The following PTPRD variants were observed in gnomAD, a reference collection of about 807,000 sequenced individuals.
PTPRD encodes the protein protein tyrosine phosphatase receptor type D, also known as receptor-type tyrosine-protein phosphatase delta.
Under a neutral mutation model 214.5 loss-of-function variants are expected in PTPRD, and 34 were observed. The observed-to-expected ratio is 0.16, with a 90% CI of 0.12 to 0.21. PTPRD has a LOEUF of 0.21. Ranked by LOEUF, PTPRD falls within the 10% of genes least tolerant of loss-of-function variation. The pLI is 1.00. For missense variants in PTPRD, 2,545 were observed against 2,398.7 expected (o/e 1.06, Z -1.27); for synonymous variants, 1,128 against 845.7 (o/e 1.33, Z -5.79).
At chr9:9,920,796 C>T (rs1313446861) in intron 5 of PTPRD, among the ~76,000 whole-genome samples, 1 of 152,068 alleles carries the variant, frequency 6.6e-6, no homozygotes, top group East Asian at 1.9e-4. Context: ...TAGATGCCAG[C>T]ATTATTTAAA....
At chr9:9,955,956 A>G (rs1394192441) in intron 4 of PTPRD, among the ~76,000 whole-genome samples, 1 of 152,184 alleles carries the variant, frequency 6.6e-6, no homozygotes, top group African/African-American at 2.4e-5. Context: ...TTTTTAAATT[A>G]TAACAGGAGT....
chr9:9,886,032 A>G (rs898628901), intron 5 of PTPRD, among the ~76,000 whole-genome samples: 1 of 152,076 alleles, frequency 6.6e-6, no homozygotes, highest in African/African-American at 2.4e-5. Flanking sequence ...AAACAGTGCC[A>G]AATGAAAAGA....
At chr9:10,119,627 A>T (rs1322745009) in intron 3 of PTPRD, among the ~76,000 whole-genome samples, 1 of 152,024 alleles carries the variant, frequency 6.6e-6, no homozygotes, top group Non-Finnish European at 1.5e-5. Context: ...AAGATATTGG[A>T]TGATAAAGCT....
chr9:8,436,873 A>G (rs2095371395), intron 34 of PTPRD, among the ~76,000 whole-genome samples, 184 bp from the exon 35 acceptor site: 1 of 152,222 alleles, frequency 6.6e-6, no homozygotes, highest in African/African-American at 2.4e-5. Flanking sequence ...TGGGAAGATG[A>G]ATTTTGTAGC....
chr9:8,911,415 T>TTGTG (rs757801073), intron 11 of PTPRD, among the ~76,000 whole-genome samples: 1,512 of 127,704 alleles, frequency 0.012, 34 homozygotes, highest in African/African-American at 0.039. Context: ...TGTGTGTGTG[T>TTGTG]TGTGTGTGTG....
At chr9:10,123,535 T>C (rs1194426210) in intron 3 of PTPRD, among the ~76,000 whole-genome samples, 1 of 152,156 alleles carries the variant, frequency 6.6e-6, no homozygotes, top group African/African-American at 2.4e-5. Flanking sequence ...CTCTATGATC[T>C]CCAGCCCTGT....
chr9:10,572,679 T>C (rs1203951619), intron 2 of PTPRD, among the ~76,000 whole-genome samples: 1 of 152,092 alleles, frequency 6.6e-6, no homozygotes, highest in Non-Finnish European at 1.5e-5. Context: ...AATCTTAGGA[T>C]TAATTTACAT....
chr9:10,393,816 TA>T (rs1291423810), intron 2 of PTPRD, among the ~76,000 whole-genome samples: 1 of 148,420 alleles, frequency 6.7e-6, no homozygotes, highest in East Asian at 2.0e-4. Flanking sequence ...ACTTGCAGAA[TA>T]AAGTTTTATA....
intron 5 of PTPRD, among the ~76,000 whole-genome samples, chr9:9,935,384 G>C (rs938478630): frequency 3.9e-5 from 6 of 152,086 alleles, no homozygotes; most frequent in Non-Finnish European, 8.8e-5. Context: ...GCAGTCTCAG[G>C]ATACAAAATC....
chr9:10,157,740 T>C (rs1223936138), intron 3 of PTPRD, among the ~76,000 whole-genome samples: 2 of 152,178 alleles, frequency 1.3e-5, no homozygotes, highest in Non-Finnish European at 2.9e-5. Flanking sequence ...TCAAGTTGGT[T>C]CCATTCCATT....
At chr9:9,702,359 A>C (rs993145808) in intron 7 of PTPRD, among the ~76,000 whole-genome samples, 4 of 152,196 alleles carry the variant, frequency 2.6e-5, no homozygotes, top group African/African-American at 9.7e-5. Flanking sequence ...GTGAGATCAC[A>C]ACAGTATAAT....
chr9:8,709,917 G>A (rs982706812), intron 12 of PTPRD, among the ~76,000 whole-genome samples: 13 of 152,140 alleles, frequency 8.5e-5, no homozygotes, highest in African/African-American at 2.4e-4. Context: ...TTAAGCATGT[G>A]ATCTCTGAAG....
chr9:9,598,245 A>T (rs73641328), intron 7 of PTPRD, among the ~76,000 whole-genome samples: 2,705 of 152,184 alleles, frequency 0.018, 74 homozygotes, highest in African/African-American at 0.062. Context: ...ACAGTCCCAC[A>T]TCAGGGCTGA....
chr9:8,419,038 G>A (rs772715106), intron 35 of PTPRD, among the ~76,000 whole-genome samples: 3 of 151,914 alleles, frequency 2.0e-5, no homozygotes, highest in Middle Eastern at 3.4e-3. Context: ...CAGCAACATA[G>A]TGAGACATCG....
At chr9:8,419,189 G>A (rs965725968) in intron 35 of PTPRD, among the ~76,000 whole-genome samples, 29 of 147,514 alleles carry the variant, frequency 2.0e-4, no homozygotes, top group Non-Finnish European at 8.9e-5. Context: ...TCATCTCACT[G>A]CACTCCAGTC....
intron 11 of PTPRD, among the ~76,000 whole-genome samples, chr9:8,910,157 G>A (rs2098737393): frequency 6.6e-6 from 1 of 152,008 alleles, no homozygotes; most frequent in Non-Finnish European, 1.5e-5. Flanking sequence ...TCCTGCCCCA[G>A]CCTCCCGAGT....
chr9:10,024,178 T>C (rs1287390906), intron 4 of PTPRD, among the ~76,000 whole-genome samples: 2 of 152,164 alleles, frequency 1.3e-5, no homozygotes, highest in Non-Finnish European at 2.9e-5. Context: ...TTAATTATGA[T>C]AAGCATTTTT....
chr9:8,540,160 A>G (rs768632332), intron 14 of PTPRD, among the ~76,000 whole-genome samples: 2 of 152,146 alleles, frequency 1.3e-5, no homozygotes, highest in Non-Finnish European at 2.9e-5. Context: ...ATTTTAAATT[A>G]TATAGAAGTA....
chr9:8,819,985 C>A (rs778369108), intron 11 of PTPRD, among the ~76,000 whole-genome samples: 2 of 152,044 alleles, frequency 1.3e-5, no homozygotes, highest in Admixed American at 6.5e-5. Flanking sequence ...TTTCAACATT[C>A]TTAAAGTAGC....
Sources: gnomAD v4.1 joint callset for allele counts (sites outside exome capture counted in the v4.1 genomes callset) on GRCh38, gnomAD v4.1.1 for gene constraint, MANE v1.5 for transcripts, NCBI Gene and HGNC (gene_info 2026-07-23, HGNC 2026-07-21) for gene names.